The following ROBO2 variants were observed in gnomAD, a reference collection of about 807,000 sequenced individuals.
ROBO2 encodes roundabout homolog 2.
ROBO2 carries 53 observed loss-of-function variants against 160.8 expected under a neutral mutation model. The ratio of observed to expected loss-of-function variants is 0.33; its 90% CI spans 0.26 to 0.41. The LOEUF is 0.41. ROBO2 is among the 10% of genes least tolerant of loss of function. The pLI is 1.00. For missense variants in ROBO2, 1,577 were observed against 1,722.4 expected, an observed-to-expected ratio of 0.92 and a Z score of 1.49; for synonymous variants, 664 against 611.7, an observed-to-expected ratio of 1.09 and a Z score of -1.26.
Position 77,014,924 on chromosome 3 carries a change from C to A in ROBO2, c.110-83090C>A, listed in dbSNP as rs1358468238. On this transcript the variant is annotated intron_variant, in intron 2 of 26. Transcript: ENST00000487694. ...TCATTTATTGTATCATGTTTCTATT[C>A]TTTAAAAATCATAGATTAAAATTAT... Among the ~76,000 whole-genome samples the A allele has an allele frequency of 3.3e-5, 5 of 152,068 alleles. No homozygotes were observed. In the East Asian group the frequency reaches 9.7e-4, roughly 29 times the overall value.
intron 2 of ROBO2, among the ~76,000 whole-genome samples, chr3:75,952,526 A>G (rs1948581846): frequency 6.6e-6 from 1 of 151,962 alleles, no homozygotes; most frequent in African/African-American, 2.4e-5. Context: ...AAAGAAGTGA[A>G]TAAGCATTCA....
intron 2 of ROBO2, among the ~76,000 whole-genome samples, chr3:76,804,571 ATTAAAG>A (rs1458420280): frequency 6.6e-6 from 1 of 152,216 alleles, no homozygotes; most frequent in African/African-American, 2.4e-5. Context: ...GTAGCATAAT[ATTAAAG>A]TTAAGGTTTT....
intron 2 of ROBO2, among the ~76,000 whole-genome samples, chr3:75,970,518 A>G (rs1022037795): frequency 1.3e-5 from 2 of 151,558 alleles, no homozygotes; most frequent in South Asian, 2.1e-4. Flanking sequence ...AACAGTATGT[A>G]TTGTTTATTT....
intron 2 of ROBO2, among the ~76,000 whole-genome samples, chr3:76,186,092 C>A (rs1365566491): frequency 6.6e-6 from 1 of 151,840 alleles, no homozygotes; most frequent in Non-Finnish European, 1.5e-5. Context: ...ACCACCACAC[C>A]TGACTAATTT....
intron 2 of ROBO2, among the ~76,000 whole-genome samples, chr3:77,287,271 G>A (rs1055034904): frequency 4.0e-5 from 6 of 151,832 alleles, no homozygotes; most frequent in East Asian, 1.9e-4. Context: ...ATCTTATAGC[G>A]TAGAATTGCA....
intron 2 of ROBO2, among the ~76,000 whole-genome samples, chr3:76,985,621 T>A: frequency 6.7e-6 from 1 of 149,190 alleles, no homozygotes; most frequent in South Asian, 2.1e-4. Flanking sequence ...TAATCTATTT[T>A]TGCATAAAAA....
intron 1 of ROBO2, among the ~76,000 whole-genome samples, chr3:77,097,253 T>C (rs2071206659): frequency 6.6e-6 from 1 of 152,222 alleles, no homozygotes; most frequent in Non-Finnish European, 1.5e-5. Flanking sequence ...GATGCTTTTT[T>C]CTTTTAGTTG....
chr3:77,509,848 A>C (rs761447121), intron 5 of ROBO2, among the ~76,000 whole-genome samples: 3 of 152,116 alleles, frequency 2.0e-5, no homozygotes, highest in Non-Finnish European at 4.4e-5. Context: ...AGCTGTTAAT[A>C]AAAGTGACAG....
intron 2 of ROBO2, among the ~76,000 whole-genome samples, chr3:76,706,358 A>C (rs879819520): frequency 1.3e-5 from 2 of 152,102 alleles, no homozygotes; most frequent in African/African-American, 4.8e-5. Flanking sequence ...TGATTACCTC[A>C]TCCGGAAGGT....
At chr3:77,505,750 T>C (rs527929225) in intron 5 of ROBO2, among the ~76,000 whole-genome samples, 10 of 152,188 alleles carry the variant, frequency 6.6e-5, no homozygotes, top group Non-Finnish European at 1.5e-4. Flanking sequence ...TCAATTTTCT[T>C]ATGAAACAGG....
chr3:76,319,566 A>G (rs1300488595), intron 2 of ROBO2, among the ~76,000 whole-genome samples: 1 of 152,042 alleles, frequency 6.6e-6, no homozygotes, highest in Non-Finnish European at 1.5e-5. Flanking sequence ...TTGGGGAAAA[A>G]AAGTATCCAA....
chr3:77,634,486 C>A, intron 23 of ROBO2: 1 of 264,582 alleles, frequency 3.8e-6, no homozygotes, highest in Non-Finnish European at 7.5e-6. Context: ...ACAGTATATA[C>A]TTCATAAATA....
chr3:77,644,477 C>T, intron 24 of ROBO2, among the ~76,000 whole-genome samples: 1 of 152,010 alleles, frequency 6.6e-6, no homozygotes, highest in East Asian at 1.9e-4. Flanking sequence ...GTGTACTTAT[C>T]CCAAGATCTC....
intron 2 of ROBO2, among the ~76,000 whole-genome samples, chr3:76,750,999 G>T (rs1205708887): frequency 6.6e-6 from 1 of 151,870 alleles, no homozygotes; most frequent in African/African-American, 2.4e-5. Context: ...ACAATCCTAA[G>T]CCAAAAGAAC....
At chr3:76,335,178 G>GTTTTTTTTTT (rs34963831) in intron 2 of ROBO2, among the ~76,000 whole-genome samples, 3 of 77,892 alleles carry the variant, frequency 3.9e-5, no homozygotes, top group East Asian at 4.2e-4. Context: ...TTTCTGTTTT[G>GTTTTTTTTTT]TTTTTTTTTT....
intron 6 of ROBO2, among the ~76,000 whole-genome samples, chr3:77,538,494 G>A (rs189827773): frequency 2.8e-4 from 42 of 151,818 alleles, no homozygotes; most frequent in Middle Eastern, 3.4e-3. Context: ...TACATTTCTT[G>A]GAAATAGTGA....
At chr3:77,031,860 G>T (rs1322926647) in intron 2 of ROBO2, among the ~76,000 whole-genome samples, 2 of 151,892 alleles carry the variant, frequency 1.3e-5, no homozygotes. Context: ...CAAACTGGAT[G>T]GATTATAAAC....
At chr3:76,479,471 C>G (rs2079099788) in intron 2 of ROBO2, among the ~76,000 whole-genome samples, 1 of 152,122 alleles carries the variant, frequency 6.6e-6, no homozygotes, top group South Asian at 2.1e-4. Flanking sequence ...TAAATACATT[C>G]TGCAAAATTT....
chr3:76,753,526 T>C (rs752611623), intron 2 of ROBO2, among the ~76,000 whole-genome samples: 28 of 151,866 alleles, frequency 1.8e-4, no homozygotes, highest in Non-Finnish European at 3.5e-4. Flanking sequence ...AAGGCTGATT[T>C]TGGCAAGCTC....
Sources: allele counts gnomAD v4.1 joint callset (sites outside exome capture counted in the v4.1 genomes callset), GRCh38; gene constraint gnomAD v4.1.1; transcripts MANE v1.5; gene names NCBI Gene and HGNC (gene_info 2026-07-23, HGNC 2026-07-21).